The following HERC4 variants were observed in gnomAD, a reference collection of about 807,000 sequenced individuals.
HERC4 encodes the protein probable E3 ubiquitin-protein ligase HERC4.
In HERC4, 28 loss-of-function variants were observed where a neutral mutation model predicts 124.3. That is an observed-to-expected ratio of 0.23 (90% CI 0.17 to 0.31). The LOEUF (loss-of-function observed/expected upper bound fraction) is 0.31. Ranked by LOEUF, HERC4 falls within the 10% of genes least tolerant of loss-of-function variation. The probability of loss-of-function intolerance (pLI) is 1.00; values close to 1 mark genes in which losing one functional copy is unlikely to be tolerated. For missense variants in HERC4, 713 were observed against 1,229.3 expected (o/e 0.58, Z 6.28); for synonymous variants, 407 against 421.5 (o/e 0.97, Z 0.42).
intron 9 of HERC4, among the ~76,000 whole-genome samples, chr10:67,997,226 CTG>C (rs1260359307): frequency 2.0e-5 from 3 of 152,152 alleles, no homozygotes; most frequent in Non-Finnish European, 4.4e-5. Flanking sequence ...CCTTGGTTTA[CTG>C]ATAAATACCT....
At chr10:68,040,318 A>T in intron 4 of HERC4, 1 of 964,216 alleles carries the variant, frequency 1.0e-6, no homozygotes, top group Non-Finnish European at 1.2e-6. Context: ...TACTGTGTTA[A>T]AGAAAAAACT....
intron 3 of HERC4, among the ~76,000 whole-genome samples, chr10:68,071,003 T>C (rs974141720): frequency 3.3e-5 from 5 of 152,230 alleles, no homozygotes; most frequent in African/African-American, 1.2e-4. Context: ...CAGTTGTTCA[T>C]GTATACCTTA....
At chr10:68,034,361 A>G (rs2039352911) in intron 5 of HERC4, among the ~76,000 whole-genome samples, 175 bp from the exon 6 acceptor site, 1 of 152,214 alleles carries the variant, frequency 6.6e-6, no homozygotes, top group African/African-American at 2.4e-5. Flanking sequence ...TTATATGAAC[A>G]TATACTACTA....
intron 11 of HERC4, among the ~76,000 whole-genome samples, chr10:67,991,591 G>A (rs1174071630): frequency 1.3e-5 from 2 of 152,102 alleles, no homozygotes; most frequent in East Asian, 3.9e-4. Context: ...TATAGTTTTG[G>A]AAAACAAGCT....
At chr10:67,968,946 TA>T (rs762235476) in intron 15 of HERC4, among the ~76,000 whole-genome samples, 4 of 152,222 alleles carry the variant, frequency 2.6e-5, no homozygotes, top group Non-Finnish European at 5.9e-5. Flanking sequence ...CTCACTGTCA[TA>T]ACACTTCACC....
At chr10:67,960,697 T>C (rs1416765349) in intron 16 of HERC4, 2 of 165,574 alleles carry the variant, frequency 1.2e-5, no homozygotes, top group Non-Finnish European at 2.6e-5. Context: ...GCGTAAATTT[T>C]AAACACATTC....
chr10:67,976,948 C>T (rs1456596858), intron 15 of HERC4, among the ~76,000 whole-genome samples: 1 of 152,112 alleles, frequency 6.6e-6, no homozygotes, highest in Non-Finnish European at 1.5e-5. Flanking sequence ...GCTCTGGGGC[C>T]CTCAATAAAC....
chr10:67,968,921 T>C (rs2035062919), intron 15 of HERC4, among the ~76,000 whole-genome samples: 1 of 152,074 alleles, frequency 6.6e-6, no homozygotes. Flanking sequence ...GAATAACAAT[T>C]TAAACCAACT....
intron 3 of HERC4, chr10:68,069,109 G>A (rs2041444179): frequency 2.0e-6 from 2 of 978,362 alleles, no homozygotes; most frequent in Admixed American, 6.2e-5. Context: ...ACATAACCAT[G>A]GTCACCAAAT....
intron 15 of HERC4, among the ~76,000 whole-genome samples, chr10:67,984,433 C>G (rs2036137744): frequency 1.3e-5 from 2 of 151,682 alleles, no homozygotes; most frequent in Admixed American, 1.3e-4. Context: ...TTTGTAGGAT[C>G]TAAAAATCAA....
At chr10:67,978,410 T>A (rs568610384) in intron 15 of HERC4, among the ~76,000 whole-genome samples, 2 of 152,108 alleles carry the variant, frequency 1.3e-5, no homozygotes, top group Non-Finnish European at 2.9e-5. Flanking sequence ...GGATGAGTGG[T>A]AAGGACTATT....
chr10:67,953,039 T>C (rs2033908354), intron 19 of HERC4, among the ~76,000 whole-genome samples: 1 of 152,154 alleles, frequency 6.6e-6, no homozygotes, highest in African/African-American at 2.4e-5. Flanking sequence ...TGGTATGTAA[T>C]ATATTGCTAT....
Position 67,974,095 on chromosome 10 carries a change from CACACACACACACACACACACACACAT to C in HERC4, c.1807-7319_1807-7294del, listed in dbSNP as rs1164847859. On this transcript the variant is annotated intron_variant, in intron 15 of 24. Transcript: ENST00000373700. The stretch of plus-strand genomic sequence containing the variant: ...CTGTACACACACACACACACACACA[CACACACACACACACACACACACACAT>C]ACACACAGGGTCAGGAAAACAAGAC... 1.2e-4 allele frequency among the ~76,000 whole-genome samples: 17 copies of C among 142,154 alleles called. 1 individual carries two copies. The highest frequency in any genetic ancestry group is 3.6e-4 in the African/African-American group (14 of 38,900). The allele number at this position is 142,154 out of a possible 152,430, so 93.3% of individuals were successfully genotyped here.
rs570347379 is a variant in HERC4, at chr10:67,996,840, T to C, written c.1070-4158A>G. Among the ~76,000 whole-genome samples the C allele has an allele frequency of 5.9e-5, 9 of 151,754 alleles. No homozygotes were observed. In the South Asian group the frequency reaches 1.9e-3, roughly 32 times the overall value. On this transcript the variant is annotated intron_variant, in intron 9 of 24. Coordinates refer to ENST00000373700, the MANE Select transcript of HERC4 (RefSeq NM_015601.4). ...TAAAAAAATAAAATAAAATAAAAAT[T>C]AGCTGGGCGTGGCGGCAGGTGCCTG...
Position 68,032,774 on chromosome 10 carries a change from A to G in HERC4, c.777+4T>C, listed in dbSNP as rs183848875. The G allele has an allele frequency of 4.8e-6, 7 of 1,458,920 alleles. No homozygotes were observed. The highest frequency in any genetic ancestry group is 6.7e-6 in the Non-Finnish European group (7 of 1,039,540). The allele number at this position is 1,458,920 out of a possible 1,614,324, so 90.4% of individuals were successfully genotyped here. A position where few individuals can be genotyped will look rare whatever the true frequency, so the allele number is the denominator to read the frequency against. ...ATAATAAAGAAGTTTTAGAAGTACA[A>G]TACCTTGGTTAGAGCAGCAGTATGA... On this transcript the variant is annotated splice_donor_region_variant and intron_variant, in intron 7 of 24. Coordinates refer to ENST00000373700, the MANE Select transcript of HERC4 (RefSeq NM_015601.4).
chr10:67,924,085 A>G (rs770862881), intron 24 of HERC4, among the ~76,000 whole-genome samples: 25 of 152,176 alleles, frequency 1.6e-4, no homozygotes, highest in Non-Finnish European at 3.4e-4. Flanking sequence ...CAAACAGAGA[A>G]AAGAGCAATA....
intron 7 of HERC4, among the ~76,000 whole-genome samples, chr10:68,032,569 T>C (rs1277239388): frequency 6.6e-6 from 1 of 152,212 alleles, no homozygotes; most frequent in Admixed American, 6.5e-5. Context: ...TATAATAGTA[T>C]ATCAGAATTC....
At position 67,992,139 on chromosome 10, in the gene HERC4, T is replaced by C. The variant is rs2036585673; in HGVS notation, c.1271+60A>G. ...CTCCAATTCCTGGGCTCAGGCAATC[T>C]GCCTGGTGCTGGGATTACAGGCATG... On this transcript the variant is annotated intron_variant, in intron 11 of 24. Coordinates refer to ENST00000373700, the MANE Select transcript of HERC4 (RefSeq NM_015601.4). 2.0e-6 allele frequency: 3 copies of C among 1,526,514 alleles called. No homozygotes were observed. In the South Asian group the frequency reaches 3.5e-5, roughly 18 times the overall value. 94.6% of individuals were successfully genotyped at this position (1,526,514 alleles called of 1,614,324 possible). A position where few individuals can be genotyped will look rare whatever the true frequency, so the allele number is the denominator to read the frequency against.
chr10:68,031,600 A>C (rs1234479681), intron 7 of HERC4, among the ~76,000 whole-genome samples: 1 of 152,198 alleles, frequency 6.6e-6, no homozygotes, highest in African/African-American at 2.4e-5. Flanking sequence ...CAAGTACTAC[A>C]AAATACTTTA....
Sources: gnomAD v4.1 joint callset for allele counts (sites outside exome capture counted in the v4.1 genomes callset) on GRCh38, gnomAD v4.1.1 for gene constraint, MANE v1.5 for transcripts, NCBI Gene and HGNC (gene_info 2026-07-23, HGNC 2026-07-21) for gene names.